RAB31: variants seen among roughly 807,000 people sequenced by gnomAD.
The protein encoded by RAB31 is RAB31, member RAS oncogene family.
A neutral mutation model predicts 25.6 loss-of-function variants in RAB31; 21 were observed. The ratio of observed to expected loss-of-function variants is 0.82; its 90% CI spans 0.58 to 1.18. The LOEUF (loss-of-function observed/expected upper bound fraction) is 1.18. Ranked by LOEUF, RAB31 falls within the 50% of genes most tolerant of loss-of-function variation. The probability of loss-of-function intolerance (pLI) is 0.00; values close to 1 mark genes in which losing one functional copy is unlikely to be tolerated. For missense variants in RAB31, 196 were observed against 250.1 expected (o/e 0.78, Z 1.46); for synonymous variants, 87 against 84.0 (o/e 1.04, Z -0.20).
rs140509315 is a variant in RAB31 at position 9,733,797 on chromosome 18, C to T, written c.39+25353C>T. On this transcript the variant is annotated intron_variant, in intron 1 of 6. Transcript: ENST00000578921. The stretch of plus-strand genomic sequence containing the variant: ...CTTGCCCATCCTTCCCTCAAGACTC[C>T]CTCAGAGACATTGTACCGTTGTTTT... Among the ~76,000 whole-genome samples the T allele has an allele frequency of 2.1e-3, 320 of 152,076 alleles. 4 individuals carry two copies. Among genetic ancestry groups the T allele is most frequent in the African/African-American group, 7.4e-3 (308 of 41,458 alleles).
intron 5 of RAB31, chr18:9,816,200 G>T: frequency 4.9e-6 from 1 of 204,916 alleles, no homozygotes; most frequent in Non-Finnish European, 1.1e-5. Context: ...TCTGCCCTCA[G>T]TGTAGTAACT....
intron 3 of RAB31, among the ~76,000 whole-genome samples, chr18:9,808,261 G>A (rs1253784187): frequency 1.3e-5 from 2 of 152,204 alleles, no homozygotes; most frequent in Non-Finnish European, 2.9e-5. Flanking sequence ...TGTCATTGCA[G>A]AAGTAATGTA....
chr18:9,817,306 C>T (rs188868168), intron 5 of RAB31, among the ~76,000 whole-genome samples: 35 of 152,078 alleles, frequency 2.3e-4, no homozygotes, highest in Admixed American at 1.3e-4. Context: ...AAGCAGAAAA[C>T]GATTTAAACT....
chr18:9,781,200 A>G (rs1019606558), intron 2 of RAB31, among the ~76,000 whole-genome samples: 1 of 151,974 alleles, frequency 6.6e-6, no homozygotes, highest in Non-Finnish European at 1.5e-5. Flanking sequence ...AAAAGTTTGT[A>G]TGATTTTGAA....
chr18:9,719,902 C>G (rs1599010908), intron 1 of RAB31, among the ~76,000 whole-genome samples: 1 of 152,216 alleles, frequency 6.6e-6, no homozygotes, highest in Middle Eastern at 3.4e-3. Context: ...CGTGCCACAG[C>G]AGGCACTCAG....
At position 9,861,947 on chromosome 18, in the gene RAB31, T is replaced by C. The variant is rs547897985; in HGVS notation, c.*2622T>C. The C allele has an allele frequency of 6.5e-6, 1 of 152,788 alleles. No homozygotes were observed. Among genetic ancestry groups the C allele is most frequent in the East Asian group, 1.9e-4 (1 of 5,194 alleles). 9.5% of individuals were successfully genotyped at this position (152,788 alleles called of 1,614,324 possible). The stretch of plus-strand genomic sequence containing the variant: ...GCAAGCATTTTACATTGCCACATAA[T>C]TGACTTGCCATTTTATGGTTAAAAA... On this transcript the variant is annotated 3_prime_UTR_variant, in exon 7 of 7. Transcript: ENST00000578921.
chr18:9,789,601 T>C (rs1175048458), intron 2 of RAB31, among the ~76,000 whole-genome samples: 1 of 152,234 alleles, frequency 6.6e-6, no homozygotes, highest in Non-Finnish European at 1.5e-5. Flanking sequence ...GAAGGACATA[T>C]ACCAATTTAT....
chr18:9,782,099 AGGCCTCCCGGCTTCAT>A lies in RAB31; in HGVS notation c.119+6744_119+6759del, dbSNP rs1471236016. 3.9e-3 allele frequency among the ~76,000 whole-genome samples: 600 copies of A among 152,342 alleles called. 5 individuals are homozygous for A. Among genetic ancestry groups the A allele is most frequent in the African/African-American group, 0.014 (571 of 41,594 alleles). ...CCGGTGCCACTCCGCATGGGTGGCC[AGGCCTCCCGGCTTCAT>A]GCCATTCCCGCTAGGTATTGTTACT... On this transcript the variant is annotated intron_variant, in intron 2 of 6. Transcript: ENST00000578921.
chr18:9,839,490 C>T (rs768826375), intron 5 of RAB31, among the ~76,000 whole-genome samples: 11 of 152,106 alleles, frequency 7.2e-5, no homozygotes, highest in Non-Finnish European at 1.2e-4. Context: ...AAGGCAATTG[C>T]GGGTGTCCCT....
chr18:9,788,844 C>G (rs1319841265), intron 2 of RAB31, among the ~76,000 whole-genome samples: 8 of 152,164 alleles, frequency 5.3e-5, no homozygotes. Context: ...GTGGCACATG[C>G]CTGTAATCCC....
chr18:9,734,861 C>G (rs1384525750), intron 1 of RAB31: 3 of 232,788 alleles, frequency 1.3e-5, no homozygotes, highest in Non-Finnish European at 2.8e-5. Context: ...CCCCAGCATT[C>G]TTAATCTTCT....
intron 1 of RAB31, among the ~76,000 whole-genome samples, chr18:9,751,319 A>C (rs1249553008): frequency 6.6e-6 from 1 of 152,124 alleles, no homozygotes; most frequent in African/African-American, 2.4e-5. Context: ...TTTTCTTTTT[A>C]AAATAAAGTC....
Position 9,708,701 on chromosome 18 carries a change from T to A in RAB31, c.39+257T>A, listed in dbSNP as rs1055861767. On this transcript the variant is annotated intron_variant, in intron 1 of 6. Transcript: ENST00000578921. This position sits in a 1 kb window ranked among gnomAD's most constrained non-coding sequence, Gnocchi z 6.4. ...CGCCTCCCCGCCGTCCGTGCGCCCC[T>A]CTGGTCCGCCCCCGCTCTCACCCTG... Among the ~76,000 whole-genome samples, 2 of 151,428 alleles carry A rather than the reference T, an allele frequency of 1.3e-5. No individual in the cohort carries two copies. The highest frequency in any genetic ancestry group is 4.2e-4 in the South Asian group (2 of 4,784).
In RAB31 at chr18:9,835,676, A is replaced by G. The variant is rs562433598; in HGVS notation, c.381-9906A>G. On this transcript the variant is annotated intron_variant, in intron 5 of 6. Coordinates refer to ENST00000578921, the MANE Select transcript of RAB31 (RefSeq NM_006868.4). ...TAGCTGTAAGTGCTTAGATCATTGC[A>G]ATGTGTTATTGTCTCAGATATTTGC... 1.6e-4 allele frequency among the ~76,000 whole-genome samples: 25 copies of G among 152,270 alleles called. No individual in the cohort carries two copies. The East Asian group carries it at 4.8e-3, about 29-fold the overall frequency.
At chr18:9,783,371 T>C (rs899954504) in intron 2 of RAB31, among the ~76,000 whole-genome samples, 3 of 152,116 alleles carry the variant, frequency 2.0e-5, no homozygotes, top group Non-Finnish European at 2.9e-5. Flanking sequence ...GGGATTTTGG[T>C]TCCCCCCCCT....
At chr18:9,715,632 C>T (rs537490076) in intron 1 of RAB31, among the ~76,000 whole-genome samples, 36 of 151,294 alleles carry the variant, frequency 2.4e-4, no homozygotes, top group African/African-American at 8.2e-4. Flanking sequence ...TGGGTTCAAG[C>T]GATTCTCTTG....
At chr18:9,751,077 C>T (rs112837695) in intron 1 of RAB31, among the ~76,000 whole-genome samples, 5,158 of 152,170 alleles carry the variant, frequency 0.034, 300 homozygotes, top group African/African-American at 0.12. Context: ...CATGGTCACC[C>T]GGGCTGGAGT....
chr18:9,821,745 A>G (rs1275501885), intron 5 of RAB31, among the ~76,000 whole-genome samples: 2 of 152,166 alleles, frequency 1.3e-5, no homozygotes, highest in Non-Finnish European at 2.9e-5. Context: ...TTAGGCATAT[A>G]TTTAACAAAA....
chr18:9,825,534 G>A (rs531547752), intron 5 of RAB31, among the ~76,000 whole-genome samples: 10 of 152,296 alleles, frequency 6.6e-5, no homozygotes, highest in Admixed American at 2.0e-4. Flanking sequence ...TAGGAACCAG[G>A]TCCAGAGATT....
Sources: allele counts gnomAD v4.1 joint callset (sites outside exome capture counted in the v4.1 genomes callset), GRCh38; gene constraint gnomAD v4.1.1; non-coding constraint Gnocchi (gnomAD v3.1); transcripts MANE v1.5; gene names NCBI Gene and HGNC (gene_info 2026-07-23, HGNC 2026-07-21).